Variants in NT5E observed in about 807,000 individuals in gnomAD.
The protein encoded by NT5E is 5'-nucleotidase.
In NT5E, 53 loss-of-function variants were observed where a neutral mutation model predicts 55.1. The ratio of observed to expected loss-of-function variants is 0.96; its 90% CI spans 0.77 to 1.21. The LOEUF (loss-of-function observed/expected upper bound fraction) is 1.21. NT5E is among the 50% of genes most tolerant of loss of function. The pLI is 0.00. For missense variants in NT5E, 683 were observed against 724.3 expected, an observed-to-expected ratio of 0.94 and a Z score of 0.65; for synonymous variants, 270 against 278.4, an observed-to-expected ratio of 0.97 and a Z score of 0.30.
Position 85,450,356 on chromosome 6 carries a change from C to A in NT5E, c.217C>A (p.Arg73Ser). The A allele has an allele frequency of 6.3e-7, 1 of 1,594,652 alleles. No individual in the cohort carries two copies. Among genetic ancestry groups the A allele is most frequent in the Non-Finnish European group, 8.5e-7 (1 of 1,171,932 alleles). Residue 73 changes from arginine to serine, a missense_variant, in exon 1 of 9, where the codon CGC (arginine) becomes AGC (serine). By Grantham distance (110) the Arg-to-Ser change is moderately radical (BLOSUM62 -1). Coordinates refer to ENST00000257770, the MANE Select transcript of NT5E (RefSeq NM_002526.4). This position sits in a 1 kb window ranked among gnomAD's most constrained non-coding sequence, Gnocchi z 4.0. ...RLFTKVQQIR[R>S]AEPNVLLLDA... ...CTTCACCAAGGTTCAGCAGATCCGC[C>A]GCGCCGAACCCAACGTGCTGCTGCT...
chr6:85,491,159 C>T (rs184677067), intron 7 of NT5E: 13 of 505,756 alleles, frequency 2.6e-5, no homozygotes, highest in African/African-American at 1.4e-4. Flanking sequence ...TTCTCAACCC[C>T]TCTGGGCACA....
At chr6:85,451,136 G>A (rs959246812) in intron 1 of NT5E, among the ~76,000 whole-genome samples, 1 of 152,162 alleles carries the variant, frequency 6.6e-6, no homozygotes, top group African/African-American at 2.4e-5. Flanking sequence ...TGCACATAGT[G>A]TGGTCTCTAT....
chr6:85,458,394 A>T (rs1769028704), intron 1 of NT5E, among the ~76,000 whole-genome samples: 1 of 152,220 alleles, frequency 6.6e-6, no homozygotes, highest in Non-Finnish European at 1.5e-5. Context: ...TCTAAATTCC[A>T]GAGCAGAGAG....
chr6:85,464,625 G>T (rs1158450051), intron 1 of NT5E, among the ~76,000 whole-genome samples: 1 of 152,168 alleles, frequency 6.6e-6, no homozygotes, highest in Non-Finnish European at 1.5e-5. Context: ...CTTCTGTAGA[G>T]ACCTAAGGCA....
At chr6:85,466,171 C>A (rs1282891068) in intron 1 of NT5E, among the ~76,000 whole-genome samples, 1 of 152,010 alleles carries the variant, frequency 6.6e-6, no homozygotes, top group Non-Finnish European at 1.5e-5. Context: ...CCCTCCACTC[C>A]CCCCCAGCCC....
chr6:85,477,078 C>T lies in NT5E; in HGVS notation c.751+5653C>T, dbSNP rs187296787. The stretch of plus-strand genomic sequence containing the variant: ...CACTCTCCAACTCTCTTATCACAGG[C>T]CTCCTATCCATAAATCTTTCTCACT... On this transcript the variant is annotated intron_variant, in intron 3 of 8. Transcript: ENST00000257770. Among the ~76,000 whole-genome samples, 83 of 152,262 alleles carry T rather than the reference C, an allele frequency of 5.5e-4. No homozygotes were observed. In the South Asian group the frequency reaches 7.5e-3, roughly 14 times the overall value.
intron 3 of NT5E, among the ~76,000 whole-genome samples, chr6:85,476,112 C>T (rs1769430277): frequency 6.6e-6 from 1 of 152,190 alleles, no homozygotes; most frequent in South Asian, 2.1e-4. Context: ...TGCTCCACTC[C>T]AGCTCCTGCC....
chr6:85,451,525 A>G (rs2127753127), intron 1 of NT5E, among the ~76,000 whole-genome samples: 1 of 152,224 alleles, frequency 6.6e-6, no homozygotes, highest in East Asian at 1.9e-4. Flanking sequence ...AAATAAAACC[A>G]CCACCCAAAT....
At chr6:85,493,301 C>T (rs1367452780) in intron 8 of NT5E, among the ~76,000 whole-genome samples, 1 of 152,144 alleles carries the variant, frequency 6.6e-6, no homozygotes, top group Non-Finnish European at 1.5e-5. Context: ...GAGAAGGGTT[C>T]TTAAGTACTG....
chr6:85,451,344 A>G (rs558430110), intron 1 of NT5E, among the ~76,000 whole-genome samples: 15 of 152,332 alleles, frequency 9.8e-5, no homozygotes, highest in African/African-American at 2.4e-4. Flanking sequence ...GAAGAGTCCA[A>G]CTTAAGAGAT....
At chr6:85,453,711 A>G (rs971733978) in intron 1 of NT5E, among the ~76,000 whole-genome samples, 1 of 152,098 alleles carries the variant, frequency 6.6e-6, no homozygotes, top group African/African-American at 2.4e-5. Context: ...CTTCCTGCCC[A>G]TAAGGCTGCA....
chr6:85,462,561 C>A (rs1314565096), intron 1 of NT5E, among the ~76,000 whole-genome samples: 1 of 152,176 alleles, frequency 6.6e-6, no homozygotes, highest in Non-Finnish European at 1.5e-5. Flanking sequence ...ACACATGTCT[C>A]TAACCATCTG....
intron 1 of NT5E, among the ~76,000 whole-genome samples, chr6:85,460,784 A>G (rs1203702762): frequency 6.6e-6 from 1 of 152,210 alleles, no homozygotes; most frequent in African/African-American, 2.4e-5. Flanking sequence ...GGGTGAGAGC[A>G]AGAGGAATGA....
At chr6:85,467,814 A>G (rs1017009003) in intron 2 of NT5E, among the ~76,000 whole-genome samples, 1 of 151,904 alleles carries the variant, frequency 6.6e-6, no homozygotes, top group African/African-American at 2.4e-5. Context: ...ATGGATATAT[A>G]TAAGTGTATG....
intron 3 of NT5E, among the ~76,000 whole-genome samples, chr6:85,481,479 C>T (rs1038346235): frequency 1.3e-5 from 2 of 152,114 alleles, no homozygotes; most frequent in Non-Finnish European, 2.9e-5. Context: ...TCCCTTGAGT[C>T]GAGTCAGGCT....
chr6:85,477,262 G>GCCA (rs1769457609), intron 3 of NT5E, among the ~76,000 whole-genome samples: 1 of 152,098 alleles, frequency 6.6e-6, no homozygotes, highest in Non-Finnish European at 1.5e-5. Context: ...TGGAAGGCAG[G>GCCA]TGTCTGGTAT....
At chr6:85,457,137 C>A (rs962253691) in intron 1 of NT5E, among the ~76,000 whole-genome samples, 1 of 152,198 alleles carries the variant, frequency 6.6e-6, no homozygotes, top group Non-Finnish European at 1.5e-5. Context: ...AGGCTGGATT[C>A]TTCTACTTCC....
chr6:85,490,579 G>A lies in NT5E; in HGVS notation c.1282G>A (p.Gly428Ser), dbSNP rs764937303. ...CACATTTGACCTAGTCCAGTTAAAA[G>A]GTTCCACCCTGAAGAAGGCCTTTGA... ...GGTFDLVQLK[G>S]STLKKAFEHS... The change falls in exon 7 of 9, where the codon GGT (glycine) becomes AGT (serine). Residue 428 changes from glycine to serine, a missense_variant. Coordinates refer to ENST00000257770, the MANE Select transcript of NT5E (RefSeq NM_002526.4). 8.1e-6 allele frequency: 13 copies of A among 1,614,236 alleles called. No individual in the cohort carries two copies. Among genetic ancestry groups the A allele is most frequent in the Non-Finnish European group, 1.1e-5 (13 of 1,180,034 alleles).
chr6:85,492,227 A>G, intron 8 of NT5E, 50 bp downstream of exon 8: 2 of 1,573,388 alleles, frequency 1.3e-6, no homozygotes, highest in Non-Finnish European at 1.7e-6. Context: ...AAATTGGGCC[A>G]AGAAGGGGAG....
Sources: gnomAD v4.1 joint callset for allele counts (sites outside exome capture counted in the v4.1 genomes callset) on GRCh38, gnomAD v4.1.1 for gene constraint, Gnocchi (gnomAD v3.1) non-coding constraint, MANE v1.5 for transcripts, NCBI Gene and HGNC (gene_info 2026-07-23, HGNC 2026-07-21) for gene names.